The following MEIS1 variants were observed in gnomAD, a reference collection of about 807,000 sequenced individuals.
MEIS1 encodes the protein Meis homeobox 1, also known as homeobox protein Meis1.
Under a neutral mutation model 50.8 loss-of-function variants are expected in MEIS1, and 5 were observed. The ratio of observed to expected loss-of-function variants is 0.10; its 90% confidence interval spans 0.05 to 0.21. MEIS1 has a LOEUF of 0.21. Ranked by LOEUF, MEIS1 falls within the 10% of genes least tolerant of loss-of-function variation. The probability of loss-of-function intolerance (pLI) is 1.00; values close to 1 mark genes in which losing one functional copy is unlikely to be tolerated. For missense variants in MEIS1, 318 were observed against 517.3 expected, an observed-to-expected ratio of 0.61 and a Z score of 3.74; for synonymous variants, 176 against 179.3, an observed-to-expected ratio of 0.98 and a Z score of 0.15.
At chr2:66,470,420 A>G (rs548850872) in intron 7 of MEIS1, among the ~76,000 whole-genome samples, 112 of 152,210 alleles carry the variant, frequency 7.4e-4, no homozygotes, top group Non-Finnish European at 1.3e-3. Context: ...AAACATGTTG[A>G]ATGAGATGTA....
chr2:66,497,863 G>A (rs908017233), intron 7 of MEIS1, among the ~76,000 whole-genome samples: 1 of 152,172 alleles, frequency 6.6e-6, no homozygotes, highest in Non-Finnish European at 1.5e-5. Context: ...GCTTTCCAAT[G>A]TATCCTCATC....
intron 7 of MEIS1, among the ~76,000 whole-genome samples, chr2:66,467,853 T>G (rs1208159809): frequency 6.6e-6 from 1 of 152,162 alleles, no homozygotes; most frequent in East Asian, 1.9e-4. Context: ...CAATTGGCAT[T>G]TAAGAGGGAG....
intron 7 of MEIS1, among the ~76,000 whole-genome samples, chr2:66,493,335 T>C (rs1395444252): frequency 6.6e-6 from 1 of 152,200 alleles, no homozygotes; most frequent in Admixed American, 6.5e-5. Flanking sequence ...TATGATTCTA[T>C]CTATAGTTAT....
At chr2:66,465,191 T>C (rs1245498310) in intron 7 of MEIS1, among the ~76,000 whole-genome samples, 1 of 152,204 alleles carries the variant, frequency 6.6e-6, no homozygotes, top group East Asian at 1.9e-4. Flanking sequence ...GTGTGATTAA[T>C]TTGAAAACAA....
intron 2 of MEIS1, among the ~76,000 whole-genome samples, 158 bp downstream of exon 2, chr2:66,438,121 C>A (rs1671847232): frequency 6.6e-6 from 1 of 152,138 alleles, no homozygotes; most frequent in African/African-American, 2.4e-5. Context: ...GGTGGCCTGC[C>A]ATCCCTGAAG....
At chr2:66,568,120 A>G (rs1045283858) in intron 10 of MEIS1, 1 of 154,058 alleles carries the variant, frequency 6.5e-6, no homozygotes, top group African/African-American at 2.5e-5. Context: ...TTTTTTTTTA[A>G]TAACAGTCTT....
At chr2:66,558,279 C>CAAAAAAAAAAAAAAAAAAAAAA (rs59017279) in intron 9 of MEIS1, among the ~76,000 whole-genome samples, 2 of 57,102 alleles carry the variant, frequency 3.5e-5, no homozygotes, top group Admixed American at 2.7e-4. Context: ...AACTCCATCT[C>CAAAAAAAAAAAAAAAAAAAAAA]AAAAAAAAAA....
intron 10 of MEIS1, chr2:66,567,885 C>A: frequency 2.1e-6 from 1 of 467,170 alleles, no homozygotes. Flanking sequence ...ACTTTATTAC[C>A]TGTCAAAAGG....
At chr2:66,440,077 A>ACACACC in intron 3 of MEIS1, 93 bp downstream of exon 3, 1 of 1,071,874 alleles carries the variant, frequency 9.3e-7, no homozygotes, top group Non-Finnish European at 1.3e-6. Context: ...GAACACACAC[A>ACACACC]CACACACACA....
intron 7 of MEIS1, among the ~76,000 whole-genome samples, chr2:66,474,182 A>T (rs1672835241): frequency 6.6e-6 from 1 of 152,118 alleles, no homozygotes; most frequent in South Asian, 2.1e-4. Context: ...AAATCATGCC[A>T]TCCACCTAAT....
chr2:66,551,464 T>C (rs1674920246), intron 9 of MEIS1, among the ~76,000 whole-genome samples: 1 of 152,066 alleles, frequency 6.6e-6, no homozygotes, highest in African/African-American at 2.4e-5. Flanking sequence ...AGAATAAAAA[T>C]GGAGAGAAAG....
chr2:66,512,897 A>G (rs888819753), intron 8 of MEIS1, among the ~76,000 whole-genome samples: 1 of 152,180 alleles, frequency 6.6e-6, no homozygotes, highest in Non-Finnish European at 1.5e-5. Context: ...TGACTTTTCA[A>G]GCAGAGTAAC....
rs567820116 is a variant in MEIS1 at position 66,458,396 on chromosome 2, A to G, written c.631-5713A>G. Among the ~76,000 whole-genome samples, 154 of 152,304 alleles carry G rather than the reference A, an allele frequency of 1.0e-3. No homozygotes were observed. In the South Asian group the frequency reaches 0.013, roughly 13 times the overall value. ...CACACAGCAGCTGGGAGATAGCACA[A>G]AGCATACCAAGCTGTGCACGAAGCC... On this transcript the variant is annotated intron_variant, in intron 6 of 12. Coordinates refer to ENST00000272369, the MANE Select transcript of MEIS1 (RefSeq NM_002398.3).
rs1206758124 is a variant in MEIS1 at position 66,435,807 on chromosome 2, T to C, written c.-50T>C. ...ATATTTGTTTCTTTTCACACTGGCC[T>C]TAAAGAGGATATATTAGAAGTTGAA... is the stretch of plus-strand genomic sequence containing the variant. On this transcript the variant is annotated 5_prime_UTR_variant, in exon 1 of 13. Coordinates refer to ENST00000272369, the MANE Select transcript of MEIS1 (RefSeq NM_002398.3). 2.1e-6 allele frequency: 3 copies of C among 1,445,774 alleles called. No homozygotes were observed. Among genetic ancestry groups the C allele is most frequent in the Non-Finnish European group, 2.8e-6 (3 of 1,065,968 alleles). The allele number at this position is 1,445,774 out of a possible 1,614,324, so 89.6% of individuals were successfully genotyped here. A position where few individuals can be genotyped will look rare whatever the true frequency, so the allele number is the denominator to read the frequency against.
chr2:66,486,195 C>T (rs1227289154), intron 7 of MEIS1, among the ~76,000 whole-genome samples: 3 of 152,104 alleles, frequency 2.0e-5, no homozygotes, highest in South Asian at 2.1e-4. Context: ...TGAATGTTAT[C>T]GCCTAGGTTT....
chr2:66,509,007 C>T (rs1673756090), intron 7 of MEIS1: 1 of 471,056 alleles, frequency 2.1e-6, no homozygotes, highest in South Asian at 1.5e-5. Flanking sequence ...GCCGTGTGGT[C>T]GGCCGGCGGT....
chr2:66,509,912 G>A (rs1043742660), intron 7 of MEIS1, among the ~76,000 whole-genome samples: 4 of 152,144 alleles, frequency 2.6e-5, no homozygotes, highest in Admixed American at 1.3e-4. Flanking sequence ...TTCTCTTCTA[G>A]GCAGGCACTA....
intron 6 of MEIS1, among the ~76,000 whole-genome samples, chr2:66,461,089 G>A (rs1672507981): frequency 1.3e-5 from 2 of 152,018 alleles, no homozygotes. Context: ...CATGACTAAG[G>A]TTTTTTATTT....
chr2:66,446,888 G>T (rs1672165033), intron 6 of MEIS1, among the ~76,000 whole-genome samples: 1 of 152,242 alleles, frequency 6.6e-6, no homozygotes, highest in Non-Finnish European at 1.5e-5. Context: ...AGTGGTCCTG[G>T]GAACTCTGAT....
Sources: gnomAD v4.1 joint callset for allele counts (sites outside exome capture counted in the v4.1 genomes callset) on GRCh38, gnomAD v4.1.1 for gene constraint, MANE v1.5 for transcripts, NCBI Gene and HGNC (gene_info 2026-07-23, HGNC 2026-07-21) for gene names.